Variants in PIK3C2A observed in about 807,000 individuals in gnomAD.
PIK3C2A encodes phosphatidylinositol-4-phosphate 3-kinase catalytic subunit type 2 alpha.
Under a neutral mutation model 204.5 loss-of-function variants are expected in PIK3C2A, and 97 were observed. The ratio of observed to expected loss-of-function variants is 0.47; its 90% confidence interval spans 0.40 to 0.56. The LOEUF is 0.56. PIK3C2A is among the 20% of genes least tolerant of loss of function. The pLI, the probability that PIK3C2A is intolerant of heterozygous loss-of-function variation, is 0.00. For missense variants in PIK3C2A, 1,735 were observed against 1,969.2 expected, an observed-to-expected ratio of 0.88 and a Z score of 2.25; for synonymous variants, 653 against 664.4, an observed-to-expected ratio of 0.98 and a Z score of 0.26.
Position 17,096,931 on chromosome 11 carries a change from C to T in PIK3C2A, c.4326+126G>A, listed in dbSNP as rs150469154. 3,606 of 618,102 alleles carry T rather than the reference C, an allele frequency of 5.8e-3. 21 individuals are homozygous for T. Among genetic ancestry groups the T allele is most frequent in the Middle Eastern group, 0.011 (25 of 2,316 alleles). The allele number at this position is 618,102 out of a possible 1,614,324, so 38.3% of individuals were successfully genotyped here. A position where few individuals can be genotyped will look rare whatever the true frequency, so the allele number is the denominator to read the frequency against. On this transcript the variant is annotated intron_variant, in intron 27 of 32. Transcript: ENST00000691414. ...TCAAGTACATTTACTTATTTATGGA[C>T]CATTCATGAAAGAAACAAGCATGAA...
At chr11:17,182,168 G>A (rs184855320) in intron 1 of PIK3C2A, among the ~76,000 whole-genome samples, 12 of 152,056 alleles carry the variant, frequency 7.9e-5, no homozygotes, top group East Asian at 1.9e-4. Context: ...GGGACTTTGG[G>A]GTACTAGCAA....
chr11:17,119,336 A>C (rs1448368616), intron 16 of PIK3C2A, 23 bp from the exon 17 acceptor site: 1 of 1,349,178 alleles, frequency 7.4e-7, no homozygotes, highest in Non-Finnish European at 1.1e-6. Flanking sequence ...CATAAAACCA[A>C]GATTGGACAG....
chr11:17,199,626 C>G (rs1372472600), intron 1 of PIK3C2A, among the ~76,000 whole-genome samples: 1 of 152,188 alleles, frequency 6.6e-6, no homozygotes, highest in Non-Finnish European at 1.5e-5. Context: ...CACGAAAGAT[C>G]TAGAATAGGT....
At chr11:17,153,975 C>T (rs1200820236) in intron 3 of PIK3C2A, among the ~76,000 whole-genome samples, 3 of 152,220 alleles carry the variant, frequency 2.0e-5, no homozygotes, top group Admixed American at 1.3e-4. Flanking sequence ...GTACTTCTTA[C>T]TGCTCTAGTA....
At chr11:17,135,076 G>C in intron 10 of PIK3C2A, 35 bp downstream of exon 10, 1 of 1,611,956 alleles carries the variant, frequency 6.2e-7, no homozygotes, top group Non-Finnish European at 8.5e-7. Flanking sequence ...AAAAGGCGAT[G>C]ATTATTGCTA....
At chr11:17,129,204 C>T (rs1472412017) in intron 13 of PIK3C2A, 96 bp downstream of exon 13, 2 of 888,328 alleles carry the variant, frequency 2.3e-6, no homozygotes, top group Non-Finnish European at 3.6e-6. Flanking sequence ...CTCATTCACT[C>T]ATCTATGTTC....
At chr11:17,101,809 T>C (rs568087414) in intron 24 of PIK3C2A, among the ~76,000 whole-genome samples, 3 of 151,810 alleles carry the variant, frequency 2.0e-5, no homozygotes, top group East Asian at 2.0e-4. Context: ...TTCACCGTGT[T>C]AGCCAGGATG....
At chr11:17,198,499 G>A (rs535440434) in intron 1 of PIK3C2A, among the ~76,000 whole-genome samples, 72 of 152,240 alleles carry the variant, frequency 4.7e-4, no homozygotes, top group Non-Finnish European at 9.7e-4. Flanking sequence ...TGTTTTCAGA[G>A]TTAAATAAAA....
At chr11:17,122,095 T>A (rs1343887697) in intron 15 of PIK3C2A, 93 bp downstream of exon 15, 2 of 700,152 alleles carry the variant, frequency 2.9e-6, no homozygotes, top group Non-Finnish European at 4.7e-6. Flanking sequence ...AGCTGATAAA[T>A]CATGAACAGA....
intron 1 of PIK3C2A, among the ~76,000 whole-genome samples, chr11:17,183,933 C>T (rs1851655380): frequency 6.8e-6 from 1 of 147,612 alleles, no homozygotes; most frequent in African/African-American, 2.6e-5. Flanking sequence ...AGTGAGAACC[C>T]TCTTTAAAAA....
rs565541107 is a variant in PIK3C2A, at chr11:17,130,116, TTC to T, written c.2232-651_2232-650del. Among the ~76,000 whole-genome samples the T allele has an allele frequency of 2.0e-4, 31 of 152,340 alleles. No individual in the cohort carries two copies. The South Asian group carries it at 3.9e-3, about 19-fold the overall frequency. ...AAACTAGATGAATGTTTATGAGAAT[TTC>T]TGTTTTGGGATGTAAGAATTCACAC... On this transcript the variant is annotated intron_variant, in intron 12 of 32. Transcript: ENST00000691414.
intron 11 of PIK3C2A, among the ~76,000 whole-genome samples, chr11:17,134,419 T>A: frequency 6.6e-6 from 1 of 151,800 alleles, no homozygotes; most frequent in East Asian, 1.9e-4. Context: ...TGGAGTGCAA[T>A]GGTGCAATCT....
chr11:17,186,293 C>T (rs1040550084), intron 1 of PIK3C2A, among the ~76,000 whole-genome samples: 1 of 152,000 alleles, frequency 6.6e-6, no homozygotes, highest in African/African-American at 2.4e-5. Flanking sequence ...TTAATTTTCT[C>T]CTTAGCATTT....
rs760114344 is a variant in PIK3C2A, at chr11:17,117,719, T to G, written c.3036-48A>C. The G allele has an allele frequency of 3.4e-6, 4 of 1,190,198 alleles. No individual in the cohort carries two copies. In the East Asian group the frequency reaches 7.2e-5, roughly 21 times the overall value. The allele number at this position is 1,190,198 out of a possible 1,614,324, so 73.7% of individuals were successfully genotyped here. On this transcript the variant is annotated intron_variant, in intron 18 of 32. Transcript: ENST00000691414. The stretch of plus-strand genomic sequence containing the variant: ...TTAGTCACGTCTTGGTTTTTTTTTT[T>G]TTTTTTTTTTTTTGAGACGGAGCCT...
At chr11:17,097,508 C>G (rs560029506) in intron 26 of PIK3C2A, among the ~76,000 whole-genome samples, 1 of 152,236 alleles carries the variant, frequency 6.6e-6, no homozygotes, top group South Asian at 2.1e-4. Flanking sequence ...GTCCCCAAGA[C>G]TAATTAAAGA....
chr11:17,131,395 T>C (rs1849688665), intron 12 of PIK3C2A, among the ~76,000 whole-genome samples: 1 of 150,244 alleles, frequency 6.7e-6, no homozygotes, highest in African/African-American at 2.4e-5. Flanking sequence ...AATTTCATAA[T>C]ATAAAGGCTT....
At chr11:17,178,092 CAA>C (rs750346823) in intron 1 of PIK3C2A, among the ~76,000 whole-genome samples, 35 of 64,076 alleles carry the variant, frequency 5.5e-4, no homozygotes, top group South Asian at 9.0e-4. Flanking sequence ...GACTCCATCT[CAA>C]AAAAAAAAAA....
chr11:17,174,380 G>A lies in PIK3C2A; in HGVS notation c.-65-4574C>T, dbSNP rs1457193355. Among the ~76,000 whole-genome samples, 2 of 82,708 alleles carry A rather than the reference G, an allele frequency of 2.4e-5. 1 individual carries two copies. The highest frequency in any genetic ancestry group is 4.7e-5 in the Non-Finnish European group (2 of 42,814). 54.3% of individuals were successfully genotyped at this position (82,708 alleles called of 152,430 possible). A position where few individuals can be genotyped will look rare whatever the true frequency, so the allele number is the denominator to read the frequency against. ...AGGCGGGCGGATCACGAGGTCAGGA[G>A]ATCGAGACCATCCTGGCTAAAACGG... On this transcript the variant is annotated intron_variant, in intron 1 of 32. Transcript: ENST00000691414.
rs1849299812 is a variant in PIK3C2A at position 17,119,283 on chromosome 11, A to G, written c.2877T>C (p.Ala959=). 1 of 1,606,194 alleles carries G rather than the reference A, an allele frequency of 6.2e-7. No individual in the cohort carries two copies. Among genetic ancestry groups the G allele is most frequent in the South Asian group, 1.1e-5 (1 of 90,476 alleles). Residue 959 remains alanine (A), a synonymous_variant, in exon 17 of 33, where the codon GCT becomes GCC. Transcript: ENST00000691414. ...KFADQEVRSL[A]VTWIEAISDD... ...CACTAATGGCCTCAATCCAGGTCAC[A>G]GCTAGGGATCTTACTTCCTGATCAG...
Sources: gnomAD v4.1 joint callset for allele counts (sites outside exome capture counted in the v4.1 genomes callset) on GRCh38, gnomAD v4.1.1 for gene constraint, MANE v1.5 for transcripts, NCBI Gene and HGNC (gene_info 2026-07-23, HGNC 2026-07-21) for gene names.